The following ELAPOR2 variants were observed in gnomAD, a reference collection of about 807,000 sequenced individuals.
ELAPOR2 encodes the protein endosome/lysosome-associated apoptosis and autophagy regulator family member 2.
ELAPOR2 carries 89 observed loss-of-function variants against 120.7 expected under a neutral mutation model. That is an observed-to-expected ratio of 0.74 (90% CI 0.62 to 0.88). The LOEUF (loss-of-function observed/expected upper bound fraction) is 0.88, where lower values mean the gene tolerates loss of function less well. ELAPOR2 is among the 40% of genes least tolerant of loss of function. The pLI is 0.00. For synonymous variants in ELAPOR2, 444 were observed against 444.9 expected, an observed-to-expected ratio of 1.00 and a Z score of 0.03; for missense variants, 1,134 against 1,251.6, an observed-to-expected ratio of 0.91 and a Z score of 1.42.
chr7:87,051,655 C>T (rs1428573260), intron 1 of ELAPOR2, among the ~76,000 whole-genome samples: 5 of 152,200 alleles, frequency 3.3e-5, no homozygotes, highest in Admixed American at 2.0e-4. Context: ...GCAGGGCTCA[C>T]ATTTGCATTA....
intron 8 of ELAPOR2, among the ~76,000 whole-genome samples, chr7:86,927,756 C>A (rs1790140769): frequency 6.6e-6 from 1 of 151,952 alleles, no homozygotes; most frequent in African/African-American, 2.4e-5. Context: ...TGGAGGAAAA[C>A]AGAAAAGGAA....
intron 1 of ELAPOR2, among the ~76,000 whole-genome samples, chr7:86,989,030 C>T (rs1792851845): frequency 6.6e-6 from 1 of 152,096 alleles, no homozygotes; most frequent in African/African-American, 2.4e-5. Flanking sequence ...TATTATAAAA[C>T]CATAAGTAAC....
intron 8 of ELAPOR2, among the ~76,000 whole-genome samples, chr7:86,936,579 C>T (rs1790568287): frequency 6.6e-6 from 1 of 152,068 alleles, no homozygotes; most frequent in African/African-American, 2.4e-5. Flanking sequence ...TTATAAAGTA[C>T]TAGCACATTG....
At chr7:86,993,048 C>A (rs1332835909) in intron 1 of ELAPOR2, among the ~76,000 whole-genome samples, 1 of 151,724 alleles carries the variant, frequency 6.6e-6, no homozygotes, top group East Asian at 1.9e-4. Flanking sequence ...CCATCCTGGT[C>A]AACATGGTGA....
intron 15 of ELAPOR2, among the ~76,000 whole-genome samples, chr7:86,910,839 C>A (rs1353170566): frequency 1.3e-5 from 2 of 152,022 alleles, no homozygotes; most frequent in Non-Finnish European, 2.9e-5. Flanking sequence ...AAAAGTTTAT[C>A]TTTCTTAATG....
At chr7:86,889,505 T>C (rs1788032477) in intron 21 of ELAPOR2, among the ~76,000 whole-genome samples, 2 of 151,542 alleles carry the variant, frequency 1.3e-5, no homozygotes, top group African/African-American at 4.8e-5. Flanking sequence ...AAATGACTAC[T>C]AAGTAACTAA....
chr7:86,918,392 G>A (rs749687252), intron 12 of ELAPOR2, 50 bp downstream of exon 12: 1 of 942,424 alleles, frequency 1.1e-6, no homozygotes, highest in Middle Eastern at 2.2e-4. Context: ...ACACTTGAAG[G>A]AGAATGCTAA....
In ELAPOR2 at chr7:86,944,941, A is replaced by C. The variant is rs1259229489; in HGVS notation, c.612T>G (p.Phe204Leu). ...VHLKKSGYVF[F>L]EYQYVDNNIF... is the part of the protein sequence containing the mutation. ...TGTTGTTGTCGACATACTGGTACTC[A>C]AAGAAGACATAGCCTGACTTCTTAA... Residue 204 changes from phenylalanine to leucine, a missense_variant, in exon 4 of 22, where the codon TTT (phenylalanine) becomes TTG (leucine). Phe to Leu is a conservative substitution (Grantham distance 22). Coordinates refer to ENST00000450689, the MANE Select transcript of ELAPOR2 (RefSeq NM_001142749.3). 1 of 1,550,254 alleles carries C rather than the reference A, an allele frequency of 6.5e-7. No homozygotes were observed. Among genetic ancestry groups the C allele is most frequent in the Admixed American group, 2.0e-5 (1 of 50,590 alleles).
intron 1 of ELAPOR2, among the ~76,000 whole-genome samples, chr7:86,982,118 C>T (rs1471351728): frequency 2.6e-5 from 4 of 152,264 alleles, no homozygotes; most frequent in Non-Finnish European, 4.4e-5. Flanking sequence ...GGGGCATCCA[C>T]CATTGCTGAG....
intron 1 of ELAPOR2, among the ~76,000 whole-genome samples, chr7:87,042,812 G>T (rs1462175916): frequency 6.6e-6 from 1 of 152,116 alleles, no homozygotes; most frequent in East Asian, 1.9e-4. Context: ...AAAAATTAAT[G>T]AATCCAGGAG....
chr7:86,921,536 C>T lies in ELAPOR2; in HGVS notation c.1400-2226G>A, dbSNP rs1584353029. The stretch of plus-strand genomic sequence containing the variant: ...CTAAAGGCTTCAGAGAGAACATAGC[C>T]CTGCCCACACCTTGATTTCAGACTT... On this transcript the variant is annotated intron_variant, in intron 10 of 21. Transcript: ENST00000450689. 3.3e-5 allele frequency among the ~76,000 whole-genome samples: 5 copies of T among 152,162 alleles called. 1 individual carries two copies. Among genetic ancestry groups the T allele is most frequent in the Admixed American group, 3.3e-4 (5 of 15,268 alleles).
At chr7:86,880,581 T>C (rs1428952038) in intron 21 of ELAPOR2, 51 bp from the exon 22 acceptor site, 2 of 1,167,850 alleles carry the variant, frequency 1.7e-6, no homozygotes, top group Non-Finnish European at 1.3e-6. Context: ...TCTCGTAAGA[T>C]TTTAGGATCT....
intron 2 of ELAPOR2, among the ~76,000 whole-genome samples, chr7:86,964,680 TA>T (rs768597632): frequency 1.3e-5 from 2 of 151,560 alleles, no homozygotes; most frequent in Non-Finnish European, 2.9e-5. Context: ...AAATAGATTT[TA>T]AAAAAAAATA....
intron 1 of ELAPOR2, among the ~76,000 whole-genome samples, chr7:87,037,118 C>T (rs772859673): frequency 6.6e-6 from 1 of 151,938 alleles, no homozygotes; most frequent in African/African-American, 2.4e-5. Flanking sequence ...TTCTTAAATG[C>T]TGTTGTTTCC....
intron 1 of ELAPOR2, among the ~76,000 whole-genome samples, chr7:86,983,895 T>A (rs528200000): frequency 6.6e-6 from 1 of 152,046 alleles, no homozygotes; most frequent in Admixed American, 6.5e-5. Flanking sequence ...GACTGGCAAA[T>A]TGGATAAAGA....
chr7:86,897,412 C>T (rs1260494138), intron 19 of ELAPOR2, 94 bp downstream of exon 19: 3 of 1,428,940 alleles, frequency 2.1e-6, no homozygotes, highest in Non-Finnish European at 2.8e-6. Flanking sequence ...TAAATACAAG[C>T]TTTTGCCATA....
intron 16 of ELAPOR2, among the ~76,000 whole-genome samples, 161 bp downstream of exon 16, chr7:86,909,651 C>T (rs764515264): frequency 5.9e-5 from 9 of 151,860 alleles, no homozygotes; most frequent in Non-Finnish European, 1.3e-4. Context: ...ATCAATAGTC[C>T]CCACTAGTAG....
intron 1 of ELAPOR2, among the ~76,000 whole-genome samples, chr7:87,024,987 G>GA (rs200302607): frequency 0.016 from 1,938 of 118,358 alleles, 16 homozygotes; most frequent in South Asian, 0.093. Context: ...TTTTCCTACA[G>GA]AAAAAAAAAA....
At chr7:86,951,496 C>A (rs1170718833) in intron 2 of ELAPOR2, among the ~76,000 whole-genome samples, 2 of 152,164 alleles carry the variant, frequency 1.3e-5, no homozygotes, top group African/African-American at 4.8e-5. Context: ...AAAGAATATT[C>A]CCATTTCTTT....
Sources: allele counts gnomAD v4.1 joint callset (sites outside exome capture counted in the v4.1 genomes callset), GRCh38; gene constraint gnomAD v4.1.1; transcripts MANE v1.5; gene names NCBI Gene and HGNC (gene_info 2026-07-23, HGNC 2026-07-21).